CNTNAP4: variants seen among roughly 807,000 people sequenced by gnomAD.
CNTNAP4 encodes the protein contactin associated protein family member 4, also known as contactin-associated protein-like 4.
In CNTNAP4, 98 loss-of-function variants were observed where a neutral mutation model predicts 148.4. The ratio of observed to expected loss-of-function variants is 0.66; its 90% CI spans 0.56 to 0.78. The LOEUF is 0.78. CNTNAP4 is among the 30% of genes least tolerant of loss of function. The pLI, the probability that CNTNAP4 is intolerant of heterozygous loss-of-function variation, is 0.00. For missense variants in CNTNAP4, 1,935 were observed against 1,565.6 expected, an observed-to-expected ratio of 1.24 and a Z score of -3.98; for synonymous variants, 730 against 565.1, an observed-to-expected ratio of 1.29 and a Z score of -4.14.
chr16:76,294,371 C>G (rs1959187808), intron 1 of CNTNAP4, among the ~76,000 whole-genome samples: 1 of 152,130 alleles, frequency 6.6e-6, no homozygotes, highest in Non-Finnish European at 1.5e-5. Flanking sequence ...AGTAATATCA[C>G]TAGAGTTGAC....
At chr16:76,293,629 C>G (rs1219196969) in intron 1 of CNTNAP4, among the ~76,000 whole-genome samples, 1 of 152,070 alleles carries the variant, frequency 6.6e-6, no homozygotes, top group Non-Finnish European at 1.5e-5. Context: ...ATTTGAGTGA[C>G]TGCACTTAAG....
At chr16:76,399,323 A>G (rs1363807292) in intron 3 of CNTNAP4, among the ~76,000 whole-genome samples, 1 of 152,214 alleles carries the variant, frequency 6.6e-6, no homozygotes, top group Non-Finnish European at 1.5e-5. Context: ...CTGATAGAAA[A>G]GCCATGAAAT....
intron 3 of CNTNAP4, among the ~76,000 whole-genome samples, chr16:76,420,264 T>G (rs2079138000): frequency 6.6e-6 from 1 of 151,920 alleles, no homozygotes; most frequent in Non-Finnish European, 1.5e-5. Flanking sequence ...GAATAATGTA[T>G]ATTCTATAGG....
rs1469375713 is a variant in CNTNAP4 at position 76,277,437 on chromosome 16, G to C, written c.-226G>C. 2 of 529,976 alleles carry C rather than the reference G, an allele frequency of 3.8e-6. No individual in the cohort carries two copies. Among genetic ancestry groups the C allele is most frequent in the African/African-American group, 3.8e-5 (2 of 52,370 alleles). 32.8% of individuals were successfully genotyped at this position (529,976 alleles called of 1,614,324 possible). On this transcript the variant is annotated 5_prime_UTR_variant, in exon 1 of 24. Transcript: ENST00000611870. ...AGGAGTCAGGGAGGTGTGTGTGAGA[G>C]AGAGAGAGAAAAGAGAGAGACAGAG...
In CNTNAP4 at chr16:76,452,554, C is replaced by T. The variant is rs2080541935; in HGVS notation, c.1118C>T (p.Thr373Ile). ...SCSQPQSMPVTFLSSRSYLAL... is the reference protein window; with the variant it reads ...SCSQPQSMPVIFLSSRSYLAL... ...TCACAACCACAATCTATGCCCGTGA[C>T]TTTTCTGAGCTCCAGGAGTTATTTA... The change falls in exon 8 of 24, where the codon ACT (threonine) becomes ATT (isoleucine). Residue 373 changes from threonine (T) to isoleucine (I), a missense_variant. By Grantham distance (89) the Thr-to-Ile change is moderately conservative (BLOSUM62 -1). Coordinates refer to ENST00000611870, the MANE Select transcript of CNTNAP4 (RefSeq NM_033401.5). The T allele has an allele frequency of 3.1e-6, 5 of 1,614,012 alleles. No homozygotes were observed. Among genetic ancestry groups the T allele is most frequent in the African/African-American group, 1.3e-5 (1 of 75,058 alleles).
At chr16:76,365,757 A>G (rs1336194484) in intron 3 of CNTNAP4, among the ~76,000 whole-genome samples, 1 of 115,390 alleles carries the variant, frequency 8.7e-6, no homozygotes, top group African/African-American at 2.8e-5. Flanking sequence ...GTCTCAAAAA[A>G]AAAAAAAAAA....
At chr16:76,541,298 A>T (rs1003719538) in intron 21 of CNTNAP4, among the ~76,000 whole-genome samples, 3 of 152,204 alleles carry the variant, frequency 2.0e-5, no homozygotes, top group Non-Finnish European at 4.4e-5. Context: ...TGCAATCTAA[A>T]TGCCTTATAA....
rs2015672205 is a variant in CNTNAP4, at chr16:76,378,680, C to A, written c.390+23169C>A. Among the ~76,000 whole-genome samples the A allele has an allele frequency of 3.9e-5, 6 of 152,306 alleles. No homozygotes were observed. In the South Asian group the frequency reaches 1.2e-3, roughly 32 times the overall value. ...CCAGTGTATTCTTGCAGTCTCAGCC[C>A]TGACCACACTCCAGCTTTCTAGGTG... On this transcript the variant is annotated intron_variant, in intron 3 of 23. Coordinates refer to ENST00000611870, the MANE Select transcript of CNTNAP4 (RefSeq NM_033401.5).
At chr16:76,445,029 T>G (rs191698682) in intron 4 of CNTNAP4, among the ~76,000 whole-genome samples, 104 of 152,286 alleles carry the variant, frequency 6.8e-4, no homozygotes, top group African/African-American at 2.5e-3. Flanking sequence ...CTGTAGTTTC[T>G]CAGCAATCCT....
At chr16:76,296,950 C>A (rs1426246881) in intron 1 of CNTNAP4, among the ~76,000 whole-genome samples, 2 of 152,140 alleles carry the variant, frequency 1.3e-5, no homozygotes, top group African/African-American at 4.8e-5. Context: ...TCTCCGTTGG[C>A]AACTGTTACA....
At chr16:76,503,905 A>G (rs1444322632) in intron 15 of CNTNAP4, among the ~76,000 whole-genome samples, 1 of 152,190 alleles carries the variant, frequency 6.6e-6, no homozygotes, top group African/African-American at 2.4e-5. Flanking sequence ...TACTAGCACC[A>G]ACAACATAAA....
intron 7 of CNTNAP4, among the ~76,000 whole-genome samples, chr16:76,450,599 C>T (rs575158914): frequency 2.0e-5 from 3 of 152,268 alleles, no homozygotes; most frequent in East Asian, 1.9e-4. Flanking sequence ...ATAAAAGAGA[C>T]GAACAGACAA....
Position 76,470,527 on chromosome 16 carries a change from A to G in CNTNAP4, c.1655+3004A>G, listed in dbSNP as rs1003014910. ...TAGTCGGGCATGGTGGCACATGCCT[A>G]TAATCCCAGCTTCTCGGGAGGCTGA... On this transcript the variant is annotated intron_variant, in intron 10 of 23. Transcript: ENST00000611870. Among the ~76,000 whole-genome samples the G allele has an allele frequency of 1.3e-4, 19 of 143,408 alleles. 1 individual carries two copies. Among genetic ancestry groups the G allele is most frequent in the African/African-American group, 5.1e-4 (18 of 35,520 alleles). 94.1% of individuals were successfully genotyped at this position (143,408 alleles called of 152,430 possible). A position where few individuals can be genotyped will look rare whatever the true frequency, so the allele number is the denominator to read the frequency against.
chr16:76,538,110 T>C lies in CNTNAP4; in HGVS notation c.2996-6T>C, dbSNP rs751188753. On this transcript the variant is annotated splice_polypyrimidine_tract_variant and splice_region_variant and intron_variant, in intron 18 of 23. Transcript: ENST00000611870. The stretch of plus-strand genomic sequence containing the variant: ...TTAACAAAAATATATATATATATTA[T>C]TTCAGAGATTTCTGCATATTTTGGA... 86 of 1,282,372 alleles carry C rather than the reference T, an allele frequency of 6.7e-5. 1 individual carries two copies. The highest frequency in any genetic ancestry group is 5.0e-5 in the Non-Finnish European group (48 of 962,888). 79.4% of individuals were successfully genotyped at this position (1,282,372 alleles called of 1,614,324 possible).
At chr16:76,296,101 A>G (rs1413721296) in intron 1 of CNTNAP4, among the ~76,000 whole-genome samples, 1 of 152,210 alleles carries the variant, frequency 6.6e-6, no homozygotes, top group African/African-American at 2.4e-5. Context: ...CTACAATGCA[A>G]TGTTTGAGGA....
At chr16:76,327,538 C>G (rs1344574158) in intron 2 of CNTNAP4, among the ~76,000 whole-genome samples, 1 of 152,176 alleles carries the variant, frequency 6.6e-6, no homozygotes, top group Non-Finnish European at 1.5e-5. Context: ...CACTTACATC[C>G]TCTAAACCCT....
At chr16:76,520,999 C>T in intron 15 of CNTNAP4, 141 bp from the exon 16 acceptor site, 2 of 719,560 alleles carry the variant, frequency 2.8e-6, no homozygotes, top group Non-Finnish European at 4.5e-6. Context: ...ACATAGTTGA[C>T]AGAAAAAAAG....
intron 22 of CNTNAP4, 47 bp downstream of exon 22, chr16:76,553,548 A>G (rs2085060043): frequency 7.2e-7 from 1 of 1,385,588 alleles, no homozygotes; most frequent in Non-Finnish European, 1.0e-6. Flanking sequence ...TAGCTTGTCC[A>G]TGGAATTTAG....
chr16:76,431,539 C>T (rs1016739821), intron 4 of CNTNAP4, among the ~76,000 whole-genome samples: 4 of 152,088 alleles, frequency 2.6e-5, no homozygotes, highest in Non-Finnish European at 5.9e-5. Flanking sequence ...ATTAGCCGGG[C>T]GTGGCAGCGC....
Sources: gnomAD v4.1 joint callset for allele counts (sites outside exome capture counted in the v4.1 genomes callset) on GRCh38, gnomAD v4.1.1 for gene constraint, MANE v1.5 for transcripts, NCBI Gene and HGNC (gene_info 2026-07-23, HGNC 2026-07-21) for gene names.